The following MRPL12 variants were observed in gnomAD, a reference collection of about 807,000 sequenced individuals.
MRPL12 encodes mitochondrial ribosomal protein L12.
A neutral mutation model predicts 21.1 loss-of-function variants in MRPL12; 13 were observed. That is an observed-to-expected ratio of 0.62 (90% CI 0.40 to 0.98). MRPL12 has a LOEUF of 0.98. Among genes scored for constraint, MRPL12 ranks in the 50% least tolerant of loss-of-function variants. The pLI is 0.00. For synonymous variants in MRPL12, 126 were observed against 115.3 expected (o/e 1.09, Z -0.60); for missense variants, 251 against 268.6 (o/e 0.93, Z 0.46).
intron 3 of MRPL12, among the ~76,000 whole-genome samples, chr17:81,706,187 C>T (rs1317040095): frequency 1.3e-5 from 2 of 152,200 alleles, no homozygotes; most frequent in African/African-American, 4.8e-5. Flanking sequence ...TGGTGTCGTT[C>T]TTTCCTGTCT....
intron 3 of MRPL12, 49 bp from the exon 4 acceptor site, chr17:81,706,857 T>TC (rs751554697): frequency 5.6e-6 from 9 of 1,600,158 alleles, no homozygotes; most frequent in Non-Finnish European, 7.7e-6. Flanking sequence ...AGGCGTTAGC[T>TC]CCCCCCAGCC....
In MRPL12 at chr17:81,707,378, G is replaced by GC; in HGVS notation, c.*140dup. On this transcript the variant is annotated 3_prime_UTR_variant, in exon 5 of 5. Coordinates refer to ENST00000333676, the MANE Select transcript of MRPL12 (RefSeq NM_002949.4). ...AGAATTGCCTGCGCCACGCAGCGGGGCCGGACAGGCCGCACAGACCTACTG... is the reference window on the plus strand; with the variant it reads ...AGAATTGCCTGCGCCACGCAGCGGGGCCCGGACAGGCCGCACAGACCTACTG... The GC allele has an allele frequency of 3.6e-6, 3 of 830,958 alleles. No homozygotes were observed. The highest frequency in any genetic ancestry group is 2.6e-5 in the East Asian group (1 of 37,934). 51.5% of individuals were successfully genotyped at this position (830,958 alleles called of 1,614,324 possible).
intron 3 of MRPL12, among the ~76,000 whole-genome samples, chr17:81,706,665 C>G (rs1437380083): frequency 6.6e-6 from 1 of 152,126 alleles, no homozygotes; most frequent in African/African-American, 2.4e-5. Context: ...GAGGTCGCAC[C>G]ACTGCACTCC....
intron 3 of MRPL12, 48 bp from the exon 4 acceptor site, chr17:81,706,858 C>T (rs754768167): frequency 1.9e-6 from 3 of 1,599,230 alleles, no homozygotes; most frequent in Non-Finnish European, 2.6e-6. Flanking sequence ...GGCGTTAGCT[C>T]CCCCCAGCCC....
chr17:81,706,774 C>A, intron 3 of MRPL12, 132 bp from the exon 4 acceptor site: 1 of 1,077,354 alleles, frequency 9.3e-7, no homozygotes, highest in Non-Finnish European at 1.3e-6. Flanking sequence ...GACGTGACTT[C>A]CAACTCCAGG....
Position 81,704,272 on chromosome 17 carries a change from C to G in MRPL12, c.103C>G (p.Arg35Gly), listed in dbSNP as rs1203865166. 6.2e-7 allele frequency: 1 copy of G among 1,611,788 alleles called. No individual in the cohort carries two copies. The highest frequency in any genetic ancestry group is 8.5e-7 in the Non-Finnish European group (1 of 1,179,444). The change falls in exon 2 of 5, where the codon CGA becomes GGA. Residue 35 changes from arginine to glycine, a missense_variant. Arg to Gly is a moderately radical substitution (Grantham distance 125, BLOSUM62 -2). Transcript: ENST00000333676. ...RRQVPCVCAVRHMRSSGHQRC... is the reference protein window; with the variant it reads ...RRQVPCVCAVGHMRSSGHQRC... ...ACAGGTGCCATGTGTCTGTGCCGTG[C>G]GACATATGAGGAGCAGCGGCCATCA...
rs747541988 is a variant in MRPL12, at chr17:81,707,120, G to A, written c.481-4G>A. The A allele has an allele frequency of 6.2e-7, 1 of 1,613,976 alleles. No homozygotes were observed. Among genetic ancestry groups the A allele is most frequent in the Non-Finnish European group, 8.5e-7 (1 of 1,180,012 alleles). ...CCAGTCCCTGACTTTGCTCTCTCTG[G>A]CAGGCAAAGAAGCTGGTGGAGTCCC... On this transcript the variant is annotated splice_region_variant and splice_polypyrimidine_tract_variant and intron_variant, in intron 4 of 4. Coordinates refer to ENST00000333676, the MANE Select transcript of MRPL12 (RefSeq NM_002949.4).
At position 81,707,051 on chromosome 17, in the gene MRPL12, C is replaced by A; in HGVS notation, c.480+11C>A. On this transcript the variant is annotated intron_variant, in intron 4 of 4. Coordinates refer to ENST00000333676, the MANE Select transcript of MRPL12 (RefSeq NM_002949.4). ...ATCAACCTCGTCCAGGTCTGTGCCG[C>A]GGTGGGGGTTCCGAGGCAGGTTCCG... 2 of 1,614,052 alleles carry A rather than the reference C, an allele frequency of 1.2e-6. No homozygotes were observed. Among genetic ancestry groups the A allele is most frequent in the Non-Finnish European group, 1.7e-6 (2 of 1,180,020 alleles).
rs1331658019 is a variant in MRPL12, at chr17:81,703,380, C to G, written c.-122C>G. On this transcript the variant is annotated 5_prime_UTR_variant, in exon 1 of 5. Coordinates refer to ENST00000333676, the MANE Select transcript of MRPL12 (RefSeq NM_002949.4). ...TACGGCTAGAGCGTCATTTCCGGCTCGAATGCCCGGCAGCCGTGGCGGCTA... is the reference window on the plus strand; with the variant it reads ...TACGGCTAGAGCGTCATTTCCGGCTGGAATGCCCGGCAGCCGTGGCGGCTA... The G allele has an allele frequency of 2.5e-6, 2 of 786,478 alleles. No homozygotes were observed. Among genetic ancestry groups the G allele is most frequent in the South Asian group, 4.0e-5 (2 of 50,410 alleles). The allele number at this position is 786,478 out of a possible 1,614,324, so 48.7% of individuals were successfully genotyped here.
chr17:81,706,561 C>T (rs1037860415), intron 3 of MRPL12, among the ~76,000 whole-genome samples: 4 of 152,162 alleles, frequency 2.6e-5, no homozygotes, highest in African/African-American at 9.7e-5. Context: ...GCAGACCTGC[C>T]TCTGACTAGC....
chr17:81,704,823 G>C (rs563293157), intron 3 of MRPL12, 107 bp downstream of exon 3: 1 of 986,070 alleles, frequency 1.0e-6, no homozygotes, highest in African/African-American at 1.6e-5. Context: ...ATTGTCTGCA[G>C]CCTGCACACC....
Position 81,704,179 on chromosome 17 carries a change from C to T in MRPL12, c.75-65C>T. ...CCAGTCCCCCAGTTGTCCTGCCCCT[C>T]TGGTTTCTGCAGCCCCTTCCATTCC... On this transcript the variant is annotated intron_variant, in intron 1 of 4. Transcript: ENST00000333676. 8 of 1,514,110 alleles carry T rather than the reference C, an allele frequency of 5.3e-6. No homozygotes were observed. In the South Asian group the frequency reaches 1.0e-4, roughly 19 times the overall value. 93.8% of individuals were successfully genotyped at this position (1,514,110 alleles called of 1,614,324 possible). A position where few individuals can be genotyped will look rare whatever the true frequency, so the allele number is the denominator to read the frequency against.
In MRPL12 at chr17:81,703,481, G is replaced by A; in HGVS notation, c.-21G>A. On this transcript the variant is annotated 5_prime_UTR_variant, in exon 1 of 5. Coordinates refer to ENST00000333676, the MANE Select transcript of MRPL12 (RefSeq NM_002949.4). ...CGCCTCCTCCCGGGGAACCGCGTGT[G>A]ACCTTCCAGCCCGCGGACCGATGCT... 6.7e-7 allele frequency: 1 copy of A among 1,488,120 alleles called. No homozygotes were observed. Among genetic ancestry groups the A allele is most frequent in the Non-Finnish European group, 8.9e-7 (1 of 1,125,086 alleles). The allele number at this position is 1,488,120 out of a possible 1,614,324, so 92.2% of individuals were successfully genotyped here.
Position 81,707,201 on chromosome 17 carries a change from G to T in MRPL12, c.558G>T (p.Ala186=), listed in dbSNP as rs779123787. The change falls in exon 5 of 5, where the codon GCG becomes GCT. Residue 186 remains alanine, a synonymous_variant. Transcript: ENST00000333676. ...AAGCTGAGGCGGAGAAGATCAAGGC[G>T]GCCCTGGAGGCGGTGGGCGGCACCG... ...VAKAEAEKIK[A]ALEAVGGTVV... is the part of the protein sequence containing the mutation. 1 of 1,609,884 alleles carries T rather than the reference G, an allele frequency of 6.2e-7. No homozygotes were observed. The highest frequency in any genetic ancestry group is 1.3e-5 in the African/African-American group (1 of 74,806).
chr17:81,704,226 A>AT lies in MRPL12; in HGVS notation c.75-16dup, dbSNP rs769072002. ...TTCCAGGACTGACAAGTCTGTTTTA[A>AT]TTGGGGGTGGGGGCTAGGCGACAGG... On this transcript the variant is annotated splice_polypyrimidine_tract_variant and intron_variant, in intron 1 of 4. Transcript: ENST00000333676. 3 of 1,592,640 alleles carry AT rather than the reference A, an allele frequency of 1.9e-6. No homozygotes were observed. In the African/African-American group the frequency reaches 4.1e-5, roughly 22 times the overall value.
At chr17:81,706,035 C>T (rs1297498204) in intron 3 of MRPL12, among the ~76,000 whole-genome samples, 3 of 152,242 alleles carry the variant, frequency 2.0e-5, no homozygotes, top group Non-Finnish European at 2.9e-5. Flanking sequence ...CCCCTGCCCT[C>T]GGGTGGTGCT....
At chr17:81,705,650 G>T (rs1157289122) in intron 3 of MRPL12, among the ~76,000 whole-genome samples, 1 of 152,230 alleles carries the variant, frequency 6.6e-6, no homozygotes, top group African/African-American at 2.4e-5. Context: ...GGCTGGCGCA[G>T]GCGAAGGGGT....
chr17:81,705,759 G>A (rs1568223985), intron 3 of MRPL12, among the ~76,000 whole-genome samples: 1 of 152,220 alleles, frequency 6.6e-6, no homozygotes, highest in East Asian at 1.9e-4. Flanking sequence ...CTCTCCACCG[G>A]AGCCCTCCCC....
intron 3 of MRPL12, among the ~76,000 whole-genome samples, 187 bp downstream of exon 3, chr17:81,704,903 C>G (rs1056122664): frequency 2.6e-5 from 4 of 152,238 alleles, no homozygotes; most frequent in South Asian, 2.1e-4. Flanking sequence ...CATGTGGAGA[C>G]CATGTTTCTA....
Sources: gnomAD v4.1 joint callset for allele counts (sites outside exome capture counted in the v4.1 genomes callset) on GRCh38, gnomAD v4.1.1 for gene constraint, MANE v1.5 for transcripts, NCBI Gene and HGNC (gene_info 2026-07-23, HGNC 2026-07-21) for gene names.